The following EFNA5 variants were observed in gnomAD, a reference collection of about 807,000 sequenced individuals.
EFNA5 encodes ephrin-A5.
Under a neutral mutation model 22.9 loss-of-function variants are expected in EFNA5, and 5 were observed. The ratio of observed to expected loss-of-function variants is 0.22; its 90% confidence interval spans 0.11 to 0.46. EFNA5 has a LOEUF of 0.46. EFNA5 is among the 20% of genes least tolerant of loss of function. The pLI, the probability that EFNA5 is intolerant of heterozygous loss-of-function variation, is 0.99. For synonymous variants in EFNA5, 113 were observed against 112.2 expected (o/e 1.01, Z -0.04); for missense variants, 237 against 293.3 (o/e 0.81, Z 1.40).
chr5:107,620,496 A>AT (rs1561451611), intron 1 of EFNA5, among the ~76,000 whole-genome samples: 2 of 152,108 alleles, frequency 1.3e-5, no homozygotes, highest in East Asian at 1.9e-4. Flanking sequence ...TAAAAAATAC[A>AT]TTTTTTTCTG....
At chr5:107,585,898 G>A (rs764720955) in intron 1 of EFNA5, among the ~76,000 whole-genome samples, 5 of 152,148 alleles carry the variant, frequency 3.3e-5, no homozygotes, top group Non-Finnish European at 7.3e-5. Context: ...ACATTTTGGG[G>A]ACAGTTTAGT....
chr5:107,629,189 T>A (rs1415649569), intron 1 of EFNA5, among the ~76,000 whole-genome samples: 2 of 152,144 alleles, frequency 1.3e-5, no homozygotes, highest in Non-Finnish European at 2.9e-5. Flanking sequence ...ACACAAAAAA[T>A]TCATCAAACC....
intron 1 of EFNA5, among the ~76,000 whole-genome samples, chr5:107,620,871 T>C (rs879324160): frequency 6.6e-5 from 10 of 152,196 alleles, no homozygotes; most frequent in Admixed American, 6.5e-4. Context: ...GAATAACTAA[T>C]GTGACCTGAG....
rs537289674 is a variant in EFNA5, at chr5:107,385,699, G to C, written c.565+1536C>G. On this transcript the variant is annotated intron_variant, in intron 4 of 4. Transcript: ENST00000333274. Reference sequence around the variant, plus strand: ...GAGTGTAGAGTCTGGGGTTGTTAAGGGAGATACTGAGTAACTTGCAGATCC... The same window carrying C: ...GAGTGTAGAGTCTGGGGTTGTTAAGCGAGATACTGAGTAACTTGCAGATCC... Among the ~76,000 whole-genome samples, 6 of 152,074 alleles carry C rather than the reference G, an allele frequency of 3.9e-5. No individual in the cohort carries two copies. The East Asian group carries it at 9.7e-4, about 25-fold the overall frequency.
At position 107,430,487 on chromosome 5, in the gene EFNA5, T is replaced by C. The variant is rs567906581; in HGVS notation, c.126-2978A>G. Among the ~76,000 whole-genome samples the C allele has an allele frequency of 3.8e-4, 58 of 152,290 alleles. 1 individual carries two copies. The highest frequency in any genetic ancestry group is 1.4e-3 in the African/African-American group (58 of 41,564). ...AGTAAAAATTAAAACTGCCATTGTC[T>C]GGACCCATTCTGTTACTCCTTTATT... On this transcript the variant is annotated intron_variant, in intron 1 of 4. Coordinates refer to ENST00000333274, the MANE Select transcript of EFNA5 (RefSeq NM_001962.3).
intron 1 of EFNA5, among the ~76,000 whole-genome samples, chr5:107,612,876 T>C (rs1382024727): frequency 6.6e-6 from 1 of 152,132 alleles, no homozygotes; most frequent in African/African-American, 2.4e-5. Flanking sequence ...CTTAGATGAA[T>C]GAAAGTTAAA....
intron 1 of EFNA5, among the ~76,000 whole-genome samples, chr5:107,572,508 A>AAGATTCTTAAGTCATTCAC (rs1373405788): frequency 1.3e-5 from 2 of 152,202 alleles, no homozygotes; most frequent in African/African-American, 2.4e-5. Flanking sequence ...CTGCCATGAA[A>AAGATTCTTAAGTCATTCAC]AGATTCTTAA....
In EFNA5 at chr5:107,632,005, A is replaced by G. The variant is rs538338167; in HGVS notation, c.125+38484T>C. Among the ~76,000 whole-genome samples the G allele has an allele frequency of 2.6e-5, 4 of 152,336 alleles. No individual in the cohort carries two copies. In the South Asian group the frequency reaches 8.3e-4, roughly 32 times the overall value. The stretch of plus-strand genomic sequence containing the variant: ...CTTGCAACAGACAGATGCTGGCCAC[A>G]CTTCACAGCCTTCCAGCCACCAGTT... On this transcript the variant is annotated intron_variant, in intron 1 of 4. Transcript: ENST00000333274.
At chr5:107,590,198 T>C (rs1749287937) in intron 1 of EFNA5, among the ~76,000 whole-genome samples, 1 of 152,176 alleles carries the variant, frequency 6.6e-6, no homozygotes, top group South Asian at 2.1e-4. Flanking sequence ...TCAAGACCTT[T>C]AGAAAAAAAT....
At chr5:107,547,174 A>T (rs1402125765) in intron 1 of EFNA5, among the ~76,000 whole-genome samples, 1 of 152,214 alleles carries the variant, frequency 6.6e-6, no homozygotes, top group Non-Finnish European at 1.5e-5. Flanking sequence ...GATACACTGT[A>T]CCATTGGCCT....
intron 1 of EFNA5, among the ~76,000 whole-genome samples, chr5:107,650,200 A>C (rs1750701738): frequency 6.6e-6 from 1 of 152,236 alleles, no homozygotes; most frequent in African/African-American, 2.4e-5. Context: ...ATGCTAAGGA[A>C]TGAATTGCCT....
intron 1 of EFNA5, among the ~76,000 whole-genome samples, chr5:107,602,670 T>C (rs1024703348): frequency 6.6e-6 from 1 of 152,172 alleles, no homozygotes; most frequent in Non-Finnish European, 1.5e-5. Flanking sequence ...TTGACTTAAT[T>C]ACATGGTAAT....
intron 1 of EFNA5, among the ~76,000 whole-genome samples, chr5:107,603,189 C>G (rs1391671997): frequency 1.3e-5 from 2 of 152,172 alleles, no homozygotes; most frequent in Non-Finnish European, 1.5e-5. Context: ...CTCCTCCTTC[C>G]TGGACACTCT....
rs1425018383 is a variant in EFNA5 at position 107,551,518 on chromosome 5, A to G, written c.125+118971T>C. Among the ~76,000 whole-genome samples the G allele has an allele frequency of 2.0e-5, 3 of 152,130 alleles. No individual in the cohort carries two copies. The East Asian group carries it at 5.8e-4, about 29-fold the overall frequency. Reference sequence around the variant, plus strand: ...TTATTGCCCACTGGTCAGCAAGAAAACGGAAGCTCAGTGAGTATCCCCCTT... The same window carrying G: ...TTATTGCCCACTGGTCAGCAAGAAAGCGGAAGCTCAGTGAGTATCCCCCTT... On this transcript the variant is annotated intron_variant, in intron 1 of 4. Coordinates refer to ENST00000333274, the MANE Select transcript of EFNA5 (RefSeq NM_001962.3).
At chr5:107,434,267 T>C (rs1749051493) in intron 1 of EFNA5, among the ~76,000 whole-genome samples, 1 of 152,214 alleles carries the variant, frequency 6.6e-6, no homozygotes, top group Non-Finnish European at 1.5e-5. Context: ...GGTAAGTAGA[T>C]ACCACCTCGC....
chr5:107,417,343 G>T (rs1296667162), intron 2 of EFNA5, among the ~76,000 whole-genome samples: 1 of 152,000 alleles, frequency 6.6e-6, no homozygotes, highest in Non-Finnish European at 1.5e-5. Flanking sequence ...TAATTTTTTT[G>T]TGAAGCTTTA....
chr5:107,613,781 C>CTAAA (rs1241264766), intron 1 of EFNA5, among the ~76,000 whole-genome samples: 1 of 152,064 alleles, frequency 6.6e-6, no homozygotes, highest in Non-Finnish European at 1.5e-5. Context: ...TCTTCTGACA[C>CTAAA]TAAAGCAGGC....
chr5:107,549,232 G>T (rs1025570960), intron 1 of EFNA5, among the ~76,000 whole-genome samples: 11 of 152,260 alleles, frequency 7.2e-5, no homozygotes, highest in Admixed American at 2.0e-4. Flanking sequence ...TTTTCTTTCG[G>T]ATTAACAATT....
At position 107,484,614 on chromosome 5, in the gene EFNA5, C is replaced by G. The variant is rs534863960; in HGVS notation, c.126-57105G>C. 1.2e-4 allele frequency among the ~76,000 whole-genome samples: 19 copies of G among 152,298 alleles called. No individual in the cohort carries two copies. The South Asian group carries it at 3.1e-3, about 25-fold the overall frequency. On this transcript the variant is annotated intron_variant, in intron 1 of 4. Coordinates refer to ENST00000333274, the MANE Select transcript of EFNA5 (RefSeq NM_001962.3). ...TGCCCAAGATTTTACTCTAAGAGCA[C>G]TGGCACTGGGAGTAAGACCACTAGG...
Sources: allele counts gnomAD v4.1 joint callset (sites outside exome capture counted in the v4.1 genomes callset), GRCh38; gene constraint gnomAD v4.1.1; transcripts MANE v1.5; gene names NCBI Gene and HGNC (gene_info 2026-07-23, HGNC 2026-07-21).